FMN1: variants seen among roughly 807,000 people sequenced by gnomAD.
FMN1 encodes the protein formin-1.
In FMN1, 110 loss-of-function variants were observed where a neutral mutation model predicts 132.4. The observed-to-expected ratio is 0.83, with a 90% CI of 0.71 to 0.97. The LOEUF (loss-of-function observed/expected upper bound fraction) is 0.97. FMN1 is among the 50% of genes least tolerant of loss of function. FMN1 has a pLI of 0.00. For synonymous variants in FMN1, 722 were observed against 651.7 expected, an observed-to-expected ratio of 1.11 and a Z score of -1.64; for missense variants, 1,792 against 1,705.3, an observed-to-expected ratio of 1.05 and a Z score of -0.90.
At chr15:32,993,911 G>T (rs1412578949) in intron 7 of FMN1, among the ~76,000 whole-genome samples, 22 of 140,490 alleles carry the variant, frequency 1.6e-4, no homozygotes, top group African/African-American at 6.3e-4. Context: ...CGGGGGCGGG[G>T]TGGGGGGGGT....
intron 4 of FMN1, among the ~76,000 whole-genome samples, chr15:33,090,138 G>A (rs765661007): frequency 6.6e-6 from 1 of 152,110 alleles, no homozygotes; most frequent in Non-Finnish European, 1.5e-5. Flanking sequence ...AAAATTTTAA[G>A]CCACTAGGCA....
intron 16 of FMN1, among the ~76,000 whole-genome samples, chr15:32,875,571 CAT>C (rs2059617420): frequency 6.6e-6 from 1 of 152,052 alleles, no homozygotes; most frequent in Non-Finnish European, 1.5e-5. Flanking sequence ...AGTCACAGTT[CAT>C]GGCCCCTATC....
chr15:33,067,626 C>G (rs570854143), intron 5 of FMN1: 2 of 1,613,894 alleles, frequency 1.2e-6, no homozygotes, highest in Admixed American at 1.7e-5. Context: ...TCAGGTGAAA[C>G]CCGAGACCCT....
At chr15:32,902,576 ATTTG>A (rs1011660255) in intron 12 of FMN1, among the ~76,000 whole-genome samples, 1 of 152,216 alleles carries the variant, frequency 6.6e-6, no homozygotes, top group African/African-American at 2.4e-5. Flanking sequence ...TTCTCCAGAT[ATTTG>A]TTTACTTTTT....
intron 19 of FMN1, among the ~76,000 whole-genome samples, chr15:32,793,086 A>G (rs1287358035): frequency 6.6e-6 from 1 of 152,148 alleles, no homozygotes; most frequent in East Asian, 1.9e-4. Flanking sequence ...TTAGAAGGGA[A>G]AAGGAGACGG....
Position 32,872,174 on chromosome 15 carries a change from G to A in FMN1, c.3836-15067C>T, listed in dbSNP as rs1408475166. Among the ~76,000 whole-genome samples the A allele has an allele frequency of 6.6e-5, 10 of 152,084 alleles. No homozygotes were observed. In the South Asian group the frequency reaches 2.1e-3, roughly 32 times the overall value. On this transcript the variant is annotated intron_variant, in intron 16 of 20. Transcript: ENST00000616417. ...ACTTACATCAAACACTCAGAGTTTTGTAATATACATTTATATAATTATGAG... is the reference window on the plus strand; with the variant it reads ...ACTTACATCAAACACTCAGAGTTTTATAATATACATTTATATAATTATGAG...
chr15:33,013,176 G>C (rs1259498759), intron 6 of FMN1: 1 of 343,262 alleles, frequency 2.9e-6, no homozygotes, highest in Admixed American at 3.8e-5. Flanking sequence ...TGGTGGCACA[G>C]GGCCTAGCTG....
chr15:33,000,946 G>T (rs2034066455), intron 7 of FMN1, among the ~76,000 whole-genome samples: 1 of 152,160 alleles, frequency 6.6e-6, no homozygotes, highest in Admixed American at 6.5e-5. Flanking sequence ...AAAGCACACA[G>T]GCACAAGTAC....
intron 10 of FMN1, among the ~76,000 whole-genome samples, chr15:32,923,663 G>C (rs1222697879): frequency 6.6e-6 from 1 of 152,142 alleles, no homozygotes; most frequent in Non-Finnish European, 1.5e-5. Context: ...GTATAACATT[G>C]GAAAAGGTCT....
intron 10 of FMN1, among the ~76,000 whole-genome samples, chr15:32,919,020 A>G (rs962078434): frequency 2.0e-5 from 3 of 152,204 alleles, no homozygotes; most frequent in East Asian, 3.8e-4. Context: ...AGCTCTACCT[A>G]TATTTAATAA....
chr15:32,895,286 C>T (rs1414097167), intron 15 of FMN1, among the ~76,000 whole-genome samples: 3 of 147,106 alleles, frequency 2.0e-5, no homozygotes, highest in Non-Finnish European at 4.5e-5. Flanking sequence ...GATATGGACA[C>T]ATTACCTGTC....
At chr15:33,091,788 G>A (rs188691825) in intron 4 of FMN1, among the ~76,000 whole-genome samples, 98 of 152,154 alleles carry the variant, frequency 6.4e-4, no homozygotes, top group African/African-American at 2.2e-3. Flanking sequence ...AGTCTCTCCA[G>A]CTGAATAAAT....
At chr15:32,987,476 A>G (rs1379506816) in intron 7 of FMN1, among the ~76,000 whole-genome samples, 1 of 152,180 alleles carries the variant, frequency 6.6e-6, no homozygotes, top group African/African-American at 2.4e-5. Context: ...CCCCGACTGC[A>G]CATCAGAGCA....
intron 4 of FMN1, 71 bp downstream of exon 4, chr15:33,152,977 G>A: frequency 7.2e-7 from 1 of 1,395,086 alleles, no homozygotes; most frequent in South Asian, 1.5e-5. Flanking sequence ...CAGTTTCTAA[G>A]TAGCACAGGC....
chr15:33,126,923 A>C (rs1481036594), intron 4 of FMN1, among the ~76,000 whole-genome samples: 1 of 152,230 alleles, frequency 6.6e-6, no homozygotes, highest in Non-Finnish European at 1.5e-5. Flanking sequence ...TTTCATCTTG[A>C]TTAAACGTAA....
chr15:33,153,595 GC>G lies in FMN1; in HGVS notation c.1319del (p.Gly440AlafsTer39). On this transcript the variant is annotated frameshift_variant, in exon 4 of 21. Transcript: ENST00000616417. LOFTEE classifies it high-confidence loss of function. ...GAGGGACACTCGTGTGGACAGGGAA[GC>G]CCAGTCTTTTCCCCTCAGGGGCTTC... The part of the protein sequence containing the change: ...LDEAPEGKRL[G>X]FPVHTSVPHT... 6.5e-7 allele frequency: 1 copy of G among 1,536,190 alleles called. No individual in the cohort carries two copies. The highest frequency in any genetic ancestry group is 1.7e-4 in the Middle Eastern group (1 of 5,990).
At chr15:32,902,273 C>G (rs1031862768) in intron 12 of FMN1, among the ~76,000 whole-genome samples, 1 of 152,100 alleles carries the variant, frequency 6.6e-6, no homozygotes, top group Non-Finnish European at 1.5e-5. Context: ...TATAGAAATT[C>G]CTTCGGGAAC....
intron 7 of FMN1, among the ~76,000 whole-genome samples, chr15:32,999,440 G>T (rs991714080): frequency 1.3e-5 from 2 of 152,208 alleles, no homozygotes; most frequent in Non-Finnish European, 2.9e-5. Flanking sequence ...AAGTCTACAA[G>T]TCTTAATGGA....
intron 4 of FMN1, among the ~76,000 whole-genome samples, chr15:33,107,509 T>C (rs1213965173): frequency 6.6e-6 from 1 of 151,826 alleles, no homozygotes; most frequent in African/African-American, 2.4e-5. Flanking sequence ...TCTCCCTTAC[T>C]TCATTCCAGC....
Sources: gnomAD v4.1 joint callset for allele counts (sites outside exome capture counted in the v4.1 genomes callset) on GRCh38, gnomAD v4.1.1 for gene constraint, MANE v1.5 for transcripts, NCBI Gene and HGNC (gene_info 2026-07-23, HGNC 2026-07-21) for gene names.